Variants in ASXL3 observed in about 807,000 individuals in gnomAD.
ASXL3 encodes putative Polycomb group protein ASXL3.
ASXL3 carries 34 observed loss-of-function variants against 170.6 expected under a neutral mutation model. That is an observed-to-expected ratio of 0.20 (90% CI 0.15 to 0.27). The LOEUF (loss-of-function observed/expected upper bound fraction) is 0.27, where lower values mean the gene tolerates loss of function less well. ASXL3 is among the 10% of genes least tolerant of loss of function. The probability of loss-of-function intolerance (pLI) is 1.00; values close to 1 mark genes in which losing one functional copy is unlikely to be tolerated. For synonymous variants in ASXL3, 1,002 were observed against 989.1 expected (o/e 1.01, Z -0.24); for missense variants, 2,592 against 2,695.3 (o/e 0.96, Z 0.85).
At chr18:33,723,797 A>G in intron 8 of ASXL3, among the ~76,000 whole-genome samples, 1 of 152,092 alleles carries the variant, frequency 6.6e-6, no homozygotes, top group East Asian at 1.9e-4. Flanking sequence ...TAATGCAGCA[A>G]ATTTTATTGT....
chr18:33,713,041 T>A (rs1358864031), intron 8 of ASXL3, among the ~76,000 whole-genome samples: 1 of 151,958 alleles, frequency 6.6e-6, no homozygotes, highest in Non-Finnish European at 1.5e-5. Context: ...GTTACATACA[T>A]CACACGTGCT....
chr18:33,582,288 G>C (rs140392958), intron 1 of ASXL3, among the ~76,000 whole-genome samples: 3 of 152,172 alleles, frequency 2.0e-5, no homozygotes, highest in Non-Finnish European at 4.4e-5. Context: ...AAACCATTGT[G>C]AAACGATCTT....
chr18:33,655,084 A>G (rs2066061695), intron 4 of ASXL3, among the ~76,000 whole-genome samples: 2 of 152,028 alleles, frequency 1.3e-5, no homozygotes, highest in Admixed American at 6.6e-5. Context: ...AGGTGATGGC[A>G]TATCCATTTC....
chr18:33,612,580 C>A (rs576760029), intron 2 of ASXL3, among the ~76,000 whole-genome samples: 1 of 151,872 alleles, frequency 6.6e-6, no homozygotes, highest in Non-Finnish European at 1.5e-5. Context: ...TTCTGTTTTG[C>A]GGTCTCTGTT....
intron 2 of ASXL3, among the ~76,000 whole-genome samples, chr18:33,625,609 G>A (rs1278240725): frequency 6.6e-6 from 1 of 152,088 alleles, no homozygotes; most frequent in Non-Finnish European, 1.5e-5. Context: ...CATAATGAAT[G>A]TTATGTTTGC....
chr18:33,662,181 G>A (rs1245691338), intron 5 of ASXL3, among the ~76,000 whole-genome samples: 1 of 152,072 alleles, frequency 6.6e-6, no homozygotes, highest in African/African-American at 2.4e-5. Context: ...CTTATATCTG[G>A]AATATTCATT....
At chr18:33,716,956 C>CAA (rs2067174876) in intron 8 of ASXL3, among the ~76,000 whole-genome samples, 1 of 150,044 alleles carries the variant, frequency 6.7e-6, no homozygotes, top group Non-Finnish European at 1.5e-5. Context: ...TTTATATTTA[C>CAA]CTCTGTTCTT....
intron 11 of ASXL3, among the ~76,000 whole-genome samples, chr18:33,742,333 A>T (rs939816254): frequency 6.6e-6 from 1 of 152,208 alleles, no homozygotes; most frequent in Non-Finnish European, 1.5e-5. Context: ...TAAAAATCAT[A>T]GAGTTCTTGG....
Position 33,744,050 on chromosome 18 carries a change from T to C in ASXL3, c.4202T>C (p.Val1401Ala). 2 of 1,614,036 alleles carry C rather than the reference T, an allele frequency of 1.2e-6. No homozygotes were observed. The highest frequency in any genetic ancestry group is 1.1e-5 in the South Asian group (1 of 91,076). Residue 1401 changes from valine to alanine, a missense_variant, in exon 12 of 12, where the codon GTA (valine) becomes GCA (alanine). Around this residue, in one of 4 missense-constraint regions of ASXL3, gnomAD observed 2,246 missense variants for 2,219.6 expected, o/e 1.01. Coordinates refer to ENST00000269197, the MANE Select transcript of ASXL3 (RefSeq NM_030632.3). ...VRAALSCSDSVAVTDSLVAHP... is the reference protein window; with the variant it reads ...VRAALSCSDSAAVTDSLVAHP... Reference sequence around the variant, plus strand: ...GCAGCCCTCAGCTGCAGTGATTCTGTAGCGGTCACAGACTCTCTGGTTGCA... The same window carrying C: ...GCAGCCCTCAGCTGCAGTGATTCTGCAGCGGTCACAGACTCTCTGGTTGCA...
intron 8 of ASXL3, among the ~76,000 whole-genome samples, chr18:33,705,719 ATCAT>A (rs1295033069): frequency 6.6e-6 from 1 of 151,960 alleles, no homozygotes; most frequent in African/African-American, 2.4e-5. Flanking sequence ...GGAAAAAATA[ATCAT>A]TCATTTATTT....
intron 7 of ASXL3, among the ~76,000 whole-genome samples, chr18:33,678,181 G>A (rs190800574): frequency 1.3e-5 from 2 of 152,092 alleles, no homozygotes; most frequent in East Asian, 3.9e-4. Context: ...TCCCACCTCA[G>A]ACTTTTGAGT....
intron 4 of ASXL3, chr18:33,649,632 G>A (rs1215596860): frequency 6.6e-6 from 1 of 152,122 alleles, no homozygotes; most frequent in African/African-American, 2.4e-5. Context: ...CTGAAGCTGG[G>A]GTTTTGCCAA....
intron 10 of ASXL3, among the ~76,000 whole-genome samples, chr18:33,735,314 A>C (rs1412810594): frequency 6.6e-6 from 1 of 152,206 alleles, no homozygotes; most frequent in African/African-American, 2.4e-5. Flanking sequence ...AAGAAATTAG[A>C]TAATTAACAG....
At chr18:33,731,457 T>C (rs897464462) in intron 8 of ASXL3, among the ~76,000 whole-genome samples, 1 of 152,148 alleles carries the variant, frequency 6.6e-6, no homozygotes, top group African/African-American at 2.4e-5. Context: ...GTATACCTTA[T>C]GCTTTTATCT....
chr18:33,633,357 C>T (rs1410270507), intron 2 of ASXL3, among the ~76,000 whole-genome samples: 2 of 152,056 alleles, frequency 1.3e-5, no homozygotes, highest in South Asian at 2.1e-4. Context: ...TAAGGAAATA[C>T]TTAAACGAAT....
At chr18:33,620,381 G>A (rs2065491904) in intron 2 of ASXL3, among the ~76,000 whole-genome samples, 1 of 152,052 alleles carries the variant, frequency 6.6e-6, no homozygotes, top group African/African-American at 2.4e-5. Flanking sequence ...GAATAGCTCA[G>A]ATCTTAATTT....
intron 1 of ASXL3, among the ~76,000 whole-genome samples, chr18:33,579,272 C>A (rs1233585669): frequency 1.3e-5 from 2 of 152,064 alleles, no homozygotes; most frequent in African/African-American, 4.8e-5. Context: ...TTGTGTGGCT[C>A]CAGTTCGTTT....
rs1375986186 is a variant in ASXL3 at position 33,578,440 on chromosome 18, C to G, written c.-192C>G. 9.8e-6 allele frequency: 1 copy of G among 102,248 alleles called. No individual in the cohort carries two copies. Among genetic ancestry groups the G allele is most frequent in the South Asian group, 2.9e-4 (1 of 3,482 alleles). The allele number at this position is 102,248 out of a possible 1,614,324, so 6.3% of individuals were successfully genotyped here. A position where few individuals can be genotyped will look rare whatever the true frequency, so the allele number is the denominator to read the frequency against. On this transcript the variant is annotated 5_prime_UTR_variant, in exon 1 of 12. Transcript: ENST00000269197. Reference sequence around the variant, plus strand: ...GCCCCCACCCACTCCACCCCACCCCCTCGCTCCATCCCTCCCACCCGCCGC... The same window carrying G: ...GCCCCCACCCACTCCACCCCACCCCGTCGCTCCATCCCTCCCACCCGCCGC...
At position 33,749,710 on chromosome 18, in the gene ASXL3, C is replaced by A. The variant is rs961266936; in HGVS notation, c.*3115C>A. The A allele has an allele frequency of 6.6e-6, 1 of 151,486 alleles. No individual in the cohort carries two copies. Among genetic ancestry groups the A allele is most frequent in the African/African-American group, 2.4e-5 (1 of 41,160 alleles). 9.4% of individuals were successfully genotyped at this position (151,486 alleles called of 1,614,324 possible). A position where few individuals can be genotyped will look rare whatever the true frequency, so the allele number is the denominator to read the frequency against. On this transcript the variant is annotated 3_prime_UTR_variant, in exon 12 of 12. Transcript: ENST00000269197. Reference sequence around the variant, plus strand: ...ACCATAGTTATATAATATTTCCCTGCGAAGGTCTAGTTTGAAGAAAAAAAA... The same window carrying A: ...ACCATAGTTATATAATATTTCCCTGAGAAGGTCTAGTTTGAAGAAAAAAAA...
Sources: gnomAD v4.1 joint callset for allele counts (sites outside exome capture counted in the v4.1 genomes callset) on GRCh38, gnomAD v4.1.1 for gene constraint, gnomAD v4.1.1 regional missense constraint, MANE v1.5 for transcripts, NCBI Gene and HGNC (gene_info 2026-07-23, HGNC 2026-07-21) for gene names.